Variants in SMG6 observed in about 807,000 individuals in gnomAD.
SMG6 encodes the protein telomerase-binding protein EST1A.
In SMG6, 66 loss-of-function variants were observed where a neutral mutation model predicts 142.2. The observed-to-expected ratio is 0.46, with a 90% CI of 0.38 to 0.57. The LOEUF (loss-of-function observed/expected upper bound fraction) is 0.57, where lower values mean the gene tolerates loss of function less well. Among genes scored for constraint, SMG6 ranks in the 20% least tolerant of loss-of-function variants. The probability of loss-of-function intolerance (pLI) is 0.00; values close to 1 mark genes in which losing one functional copy is unlikely to be tolerated. For synonymous variants in SMG6, 779 were observed against 702.4 expected (o/e 1.11, Z -1.72); for missense variants, 1,793 against 1,832.0 (o/e 0.98, Z 0.39).
intron 6 of SMG6, among the ~76,000 whole-genome samples, chr17:2,289,545 C>T (rs12103726): frequency 0.25 from 37,824 of 151,840 alleles, 4,854 homozygotes; most frequent in Middle Eastern, 0.31. Context: ...TGACAGAGTG[C>T]GATCCTATCT....
In SMG6 at chr17:2,071,642, C is replaced by G. The variant is rs1238484827; in HGVS notation, c.3682-2711G>C. 2.6e-5 allele frequency among the ~76,000 whole-genome samples: 4 copies of G among 152,138 alleles called. No individual in the cohort carries two copies. Reference sequence around the variant, plus strand: ...AACCTGGCTCTGCCCAGTGAGTCACCAAACAACTGCTTCCTGTTCCCCGCA... The same window carrying G: ...AACCTGGCTCTGCCCAGTGAGTCACGAAACAACTGCTTCCTGTTCCCCGCA... On this transcript the variant is annotated intron_variant, in intron 15 of 18. Transcript: ENST00000263073. The surrounding 1 kb of genome is among the most constrained non-coding windows in gnomAD (Gnocchi z 5.6).
chr17:2,116,860 A>T (rs1597410868), intron 13 of SMG6, among the ~76,000 whole-genome samples: 4 of 64,528 alleles, frequency 6.2e-5, no homozygotes, highest in African/African-American at 3.8e-4. Flanking sequence ...AACACCCTAT[A>T]AATCAGTAAG....
rs1415800102 is a variant in SMG6, at chr17:2,230,200, AAAAAAAAAAAAAAAAAAAAAAG to A, written c.2869+6270_2869+6291del. On this transcript the variant is annotated intron_variant, in intron 10 of 18. Coordinates refer to ENST00000263073, the MANE Select transcript of SMG6 (RefSeq NM_017575.5). ...GACTCCGTCTCCAAAAAAAAAAAAA[AAAAAAAAAAAAAAAAAAAAAAG>A]GAAAAGAAAGGAAAAGAAAAGTGTC... 1.2e-3 allele frequency among the ~76,000 whole-genome samples: 132 copies of A among 113,812 alleles called. 5 individuals carry two copies. The highest frequency in any genetic ancestry group is 4.3e-3 in the African/African-American group (120 of 28,106). The allele number at this position is 113,812 out of a possible 152,430, so 74.7% of individuals were successfully genotyped here. A position where few individuals can be genotyped will look rare whatever the true frequency, so the allele number is the denominator to read the frequency against.
intron 8 of SMG6, among the ~76,000 whole-genome samples, chr17:2,246,090 C>T (rs1302086711): frequency 6.6e-6 from 1 of 152,192 alleles, no homozygotes; most frequent in East Asian, 1.9e-4. Flanking sequence ...TACATCTGGC[C>T]CATGAGCCAC....
intron 8 of SMG6, among the ~76,000 whole-genome samples, chr17:2,279,800 T>C (rs1173959249): frequency 1.3e-5 from 2 of 152,206 alleles, no homozygotes; most frequent in Non-Finnish European, 2.9e-5. Flanking sequence ...CATACTGAAC[T>C]ACTCGCAGTT....
chr17:2,234,343 C>A (rs909159155), intron 10 of SMG6, among the ~76,000 whole-genome samples: 1 of 151,406 alleles, frequency 6.6e-6, no homozygotes, highest in Non-Finnish European at 1.5e-5. Flanking sequence ...CTCACTGCAA[C>A]CTCCACCTCC....
Position 2,297,273 on chromosome 17 carries a change from A to G in SMG6, c.2121T>C (p.Leu707=), listed in dbSNP as rs746424808. Residue 707 remains leucine, a synonymous_variant, in exon 4 of 19, where the codon CTT becomes CTC. Coordinates refer to ENST00000263073, the MANE Select transcript of SMG6 (RefSeq NM_017575.5). ...TGCGTAATGGCTTGCTGCGAATGGC[A>G]AGACCATCCATGTAGTCTTCCAGTT... ...KFKLEDYMDG[L]AIRSKPLRKT... is the part of the protein sequence containing the mutation. 6.2e-7 allele frequency: 1 copy of G among 1,610,968 alleles called. No individual in the cohort carries two copies. The highest frequency in any genetic ancestry group is 2.2e-5 in the East Asian group (1 of 44,878).
At chr17:2,179,999 C>A (rs2071757546) in intron 12 of SMG6, among the ~76,000 whole-genome samples, 2 of 152,210 alleles carry the variant, frequency 1.3e-5, no homozygotes, top group South Asian at 4.1e-4. Context: ...AACTAGAAAT[C>A]AGGATAAGTG....
chr17:2,206,446 G>A (rs1056944989), intron 10 of SMG6, among the ~76,000 whole-genome samples: 1 of 151,784 alleles, frequency 6.6e-6, no homozygotes, highest in African/African-American at 2.4e-5. Context: ...GGGCAAGGTG[G>A]CATGCTCCTG....
At chr17:2,286,346 T>G (rs1210479945) in intron 6 of SMG6, among the ~76,000 whole-genome samples, 1 of 149,938 alleles carries the variant, frequency 6.7e-6, no homozygotes, top group South Asian at 2.1e-4. Flanking sequence ...GGACTCACAT[T>G]TCCCAATTTT....
At chr17:2,215,605 T>C (rs934955366) in intron 10 of SMG6, 13 of 152,086 alleles carry the variant, frequency 8.5e-5, no homozygotes, top group African/African-American at 3.1e-4. Context: ...TGAAGTCTAT[T>C]AGGGTGAAGC....
chr17:2,167,945 T>G (rs1030837581), intron 13 of SMG6, among the ~76,000 whole-genome samples: 2 of 152,058 alleles, frequency 1.3e-5, no homozygotes, highest in Non-Finnish European at 2.9e-5. Flanking sequence ...GCAATCATAA[T>G]GAGCACCAAA....
chr17:2,157,272 T>C (rs1456641123), intron 13 of SMG6, among the ~76,000 whole-genome samples: 1 of 152,198 alleles, frequency 6.6e-6, no homozygotes, highest in Non-Finnish European at 1.5e-5. Context: ...CTAGTGCTGG[T>C]AGGGAACAGA....
intron 10 of SMG6, among the ~76,000 whole-genome samples, chr17:2,200,545 T>A (rs543684110): frequency 2.2e-4 from 33 of 151,930 alleles, no homozygotes; most frequent in Non-Finnish European, 3.2e-4. Flanking sequence ...AAAAAACTTT[T>A]TGTAGAGACA....
Position 2,147,574 on chromosome 17 carries a change from A to C in SMG6, c.3357+25084T>G, listed in dbSNP as rs77215889. Among the ~76,000 whole-genome samples, 1,501 of 151,888 alleles carry C rather than the reference A, an allele frequency of 9.9e-3. 30 individuals are homozygous for C. The highest frequency in any genetic ancestry group is 0.033 in the African/African-American group (1,381 of 41,426). On this transcript the variant is annotated intron_variant, in intron 13 of 18. Transcript: ENST00000263073. ...CAACATAATGAGACCTTACTTCTTA[A>C]AAAAAAATGATCAGAGCCAACATCT...
intron 13 of SMG6, among the ~76,000 whole-genome samples, chr17:2,096,266 C>T (rs546540030): frequency 3.9e-5 from 6 of 152,064 alleles, no homozygotes; most frequent in African/African-American, 7.2e-5. Context: ...TGCAGTGGCG[C>T]GATCTCGGCT....
chr17:2,186,358 C>A (rs1407487820), intron 12 of SMG6, among the ~76,000 whole-genome samples: 1 of 151,706 alleles, frequency 6.6e-6, no homozygotes, highest in Non-Finnish European at 1.5e-5. Flanking sequence ...GAGGCAGCTG[C>A]AGAGATGGTG....
intron 13 of SMG6, among the ~76,000 whole-genome samples, chr17:2,097,119 T>C (rs920279645): frequency 1.3e-5 from 2 of 152,118 alleles, no homozygotes; most frequent in Non-Finnish European, 2.9e-5. Context: ...AAATCAATCA[T>C]TACTTAACAT....
intron 13 of SMG6, among the ~76,000 whole-genome samples, chr17:2,166,555 T>C (rs992203860): frequency 4.6e-5 from 7 of 152,200 alleles, no homozygotes; most frequent in African/African-American, 1.7e-4. Context: ...CGGCCAGGGC[T>C]GAAGTAATTC....
Sources: allele counts gnomAD v4.1 joint callset (sites outside exome capture counted in the v4.1 genomes callset), GRCh38; gene constraint gnomAD v4.1.1; non-coding constraint Gnocchi (gnomAD v3.1); transcripts MANE v1.5; gene names NCBI Gene and HGNC (gene_info 2026-07-23, HGNC 2026-07-21).